PPA2: variants seen among roughly 807,000 people sequenced by gnomAD.
PPA2 encodes inorganic pyrophosphatase 2, mitochondrial.
In PPA2, 48 loss-of-function variants were observed where a neutral mutation model predicts 49.5. That is an observed-to-expected ratio of 0.97 (90% CI 0.77 to 1.23). The LOEUF (loss-of-function observed/expected upper bound fraction) is 1.23. Among genes scored for constraint, PPA2 ranks in the 50% most tolerant of loss-of-function variants. PPA2 has a pLI of 0.00. For missense variants in PPA2, 429 were observed against 410.1 expected (o/e 1.05, Z -0.40); for synonymous variants, 131 against 139.9 (o/e 0.94, Z 0.45).
chr4:105,373,766 TACACAC>T (rs36109695), intron 10 of PPA2, among the ~76,000 whole-genome samples: 28 of 148,384 alleles, frequency 1.9e-4, no homozygotes, highest in South Asian at 8.6e-4. Context: ...TATATTTAAA[TACACAC>T]ACACACACAC....
intron 7 of PPA2, among the ~76,000 whole-genome samples, chr4:105,410,259 T>G (rs962734199): frequency 6.6e-6 from 1 of 152,160 alleles, no homozygotes; most frequent in Non-Finnish European, 1.5e-5. Context: ...AAGAACTTCA[T>G]GACGCATGCA....
At chr4:105,393,814 A>G (rs1272028839) in intron 9 of PPA2, among the ~76,000 whole-genome samples, 1 of 152,086 alleles carries the variant, frequency 6.6e-6, no homozygotes. Context: ...GTACAGTTTA[A>G]GGAATTAAGA....
Position 105,379,630 on chromosome 4 carries a change from AT to A in PPA2, c.939+6936del, listed in dbSNP as rs70964652. The stretch of plus-strand genomic sequence containing the variant: ...AGGCACCCGCCACCACGCCTGGCTA[AT>A]TTTTTTTTTTTTTTTTTTTTGAGAC... On this transcript the variant is annotated intron_variant, in intron 10 of 11. Transcript: ENST00000341695. Among the ~76,000 whole-genome samples the A allele has an allele frequency of 4.7e-3, 604 of 127,674 alleles. 3 individuals carry two copies. The highest frequency in any genetic ancestry group is 6.8e-3 in the South Asian group (28 of 4,140). 83.8% of individuals were successfully genotyped at this position (127,674 alleles called of 152,430 possible).
At chr4:105,385,736 G>C (rs1156667710) in intron 10 of PPA2, among the ~76,000 whole-genome samples, 7 of 151,832 alleles carry the variant, frequency 4.6e-5, no homozygotes, top group African/African-American at 1.2e-4. Context: ...TTATCACTAA[G>C]ACATATAAAA....
chr4:105,437,816 A>G, intron 6 of PPA2, 134 bp downstream of exon 6: 1 of 629,646 alleles, frequency 1.6e-6, no homozygotes, highest in Non-Finnish European at 2.6e-6. Flanking sequence ...AGTGAAGATA[A>G]AAGGAGGGAC....
intron 8 of PPA2, chr4:105,398,607 G>A (rs2110394028): frequency 6.5e-6 from 1 of 153,698 alleles, no homozygotes; most frequent in African/African-American, 2.4e-5. Context: ...ATGACAGTAA[G>A]ATAATTCAGG....
chr4:105,467,024 G>A (rs1723333825), intron 1 of PPA2, among the ~76,000 whole-genome samples: 1 of 152,180 alleles, frequency 6.6e-6, no homozygotes, highest in South Asian at 2.1e-4. Flanking sequence ...AGGTGCTTCT[G>A]TTTATTTGGA....
intron 6 of PPA2, among the ~76,000 whole-genome samples, chr4:105,429,404 C>T (rs1723691697): frequency 6.6e-6 from 1 of 152,148 alleles, no homozygotes; most frequent in Non-Finnish European, 1.5e-5. Context: ...ACGAATATAA[C>T]TTATTCCCTT....
chr4:105,473,631 A>G, intron 1 of PPA2: 1 of 705,448 alleles, frequency 1.4e-6, no homozygotes, highest in Non-Finnish European at 2.6e-6. Context: ...GGCAGGGCAC[A>G]GGGCGCTATC....
intron 1 of PPA2, among the ~76,000 whole-genome samples, chr4:105,458,614 G>C (rs1310087848): frequency 6.6e-6 from 1 of 151,882 alleles, no homozygotes; most frequent in Non-Finnish European, 1.5e-5. Context: ...CTGAGGTCAG[G>C]AGTTTGAGAC....
chr4:105,409,457 G>A (rs1722648992), intron 7 of PPA2, among the ~76,000 whole-genome samples: 1 of 152,212 alleles, frequency 6.6e-6, no homozygotes, highest in South Asian at 2.1e-4. Context: ...CACCTCTGTG[G>A]GCAGGGCATA....
rs764722908 is a variant in PPA2, at chr4:105,446,441, T to C, written c.383A>G (p.Tyr128Cys). The C allele has an allele frequency of 6.2e-7, 1 of 1,606,510 alleles. No individual in the cohort carries two copies. Among genetic ancestry groups the C allele is most frequent in the Non-Finnish European group, 8.5e-7 (1 of 1,177,190 alleles). The change falls in exon 5 of 12, where the codon TAT (tyrosine) becomes TGT (cysteine). Residue 128 changes from tyrosine (Y) to cysteine (C), a missense_variant. Physicochemically the swap from Tyr to Cys is radical, Grantham distance 194 (BLOSUM62 -2). Transcript: ENST00000341695. ...CTTGTAAGGGAAGATATTCGCCACA[T>C]AGCGTAGCTTTCCATCCTTTACATA... ...KQYVKDGKLRYVANIFPYKGY... is the reference protein window; with the variant it reads ...KQYVKDGKLRCVANIFPYKGY...
chr4:105,378,237 T>A (rs922196547), intron 10 of PPA2, among the ~76,000 whole-genome samples: 3 of 152,192 alleles, frequency 2.0e-5, no homozygotes, highest in African/African-American at 7.2e-5. Flanking sequence ...CTTTCAGACA[T>A]CCTAAAAGTG....
intron 1 of PPA2, among the ~76,000 whole-genome samples, chr4:105,470,400 C>T (rs368614155): frequency 2.6e-5 from 4 of 152,296 alleles, no homozygotes; most frequent in Non-Finnish European, 1.5e-5. Flanking sequence ...GTGAGAGGAT[C>T]GCTTGAGCTG....
intron 7 of PPA2, among the ~76,000 whole-genome samples, chr4:105,404,146 C>T (rs1393401588): frequency 6.6e-6 from 1 of 151,246 alleles, no homozygotes; most frequent in African/African-American, 2.4e-5. Flanking sequence ...AATCTAGAGA[C>T]ATATTAAAAC....
At chr4:105,446,275 T>C (rs974479474) in intron 5 of PPA2, 108 bp downstream of exon 5, 6 of 1,210,364 alleles carry the variant, frequency 5.0e-6, no homozygotes, top group Non-Finnish European at 1.1e-6. Flanking sequence ...TACAAACCTC[T>C]CCAAATGACA....
chr4:105,423,575 T>C (rs961088183), intron 7 of PPA2, among the ~76,000 whole-genome samples: 1 of 152,198 alleles, frequency 6.6e-6, no homozygotes, highest in African/African-American at 2.4e-5. Context: ...AGGAATGATC[T>C]ACCCAAAGTC....
At position 105,369,653 on chromosome 4, in the gene PPA2, A is replaced by T; in HGVS notation, c.*72T>A. On this transcript the variant is annotated 3_prime_UTR_variant, in exon 12 of 12. Coordinates refer to ENST00000341695, the MANE Select transcript of PPA2 (RefSeq NM_176869.3). ...TAACAGGAAGTCAGTAAATGCTCATAGACCCCCTTGTCTCTAGCACTTGGA... is the reference window on the plus strand; with the variant it reads ...TAACAGGAAGTCAGTAAATGCTCATTGACCCCCTTGTCTCTAGCACTTGGA... 6.9e-7 allele frequency: 1 copy of T among 1,445,932 alleles called. No homozygotes were observed. The highest frequency in any genetic ancestry group is 1.1e-5 in the South Asian group (1 of 87,188). The allele number at this position is 1,445,932 out of a possible 1,614,324, so 89.6% of individuals were successfully genotyped here.
At chr4:105,459,227 T>A (rs113403346) in intron 1 of PPA2, among the ~76,000 whole-genome samples, 11 of 152,310 alleles carry the variant, frequency 7.2e-5, no homozygotes, top group African/African-American at 2.6e-4. Context: ...ACATAAAACT[T>A]TGGCTATGGT....
Sources: allele counts gnomAD v4.1 joint callset (sites outside exome capture counted in the v4.1 genomes callset), GRCh38; gene constraint gnomAD v4.1.1; transcripts MANE v1.5; gene names NCBI Gene and HGNC (gene_info 2026-07-23, HGNC 2026-07-21).